The following MCTP1 variants were observed in gnomAD, a reference collection of about 807,000 sequenced individuals.
MCTP1 encodes the protein multiple C2 and transmembrane domain-containing protein 1.
A neutral mutation model predicts 120.6 loss-of-function variants in MCTP1; 69 were observed. That is an observed-to-expected ratio of 0.57 (90% confidence interval 0.47 to 0.70). MCTP1 has a LOEUF of 0.70. Ranked by LOEUF, MCTP1 falls within the 30% of genes least tolerant of loss-of-function variation. The probability of loss-of-function intolerance (pLI) is 0.00; values close to 1 mark genes in which losing one functional copy is unlikely to be tolerated. For synonymous variants in MCTP1, 529 were observed against 493.1 expected, an observed-to-expected ratio of 1.07 and a Z score of -0.96; for missense variants, 1,203 against 1,248.8, an observed-to-expected ratio of 0.96 and a Z score of 0.55.
At chr5:94,922,767 C>T (rs995367944) in intron 7 of MCTP1, among the ~76,000 whole-genome samples, 1 of 152,056 alleles carries the variant, frequency 6.6e-6, no homozygotes, top group Non-Finnish European at 1.5e-5. Context: ...GGATTACAGG[C>T]GTGAGCCACC....
At chr5:95,109,184 G>T (rs1455903319) in intron 1 of MCTP1, among the ~76,000 whole-genome samples, 3 of 152,108 alleles carry the variant, frequency 2.0e-5, no homozygotes, top group African/African-American at 4.8e-5. Context: ...ATTCAACACA[G>T]ACTTGACCAT....
At chr5:94,708,737 T>A in intron 21 of MCTP1, 128 bp from the exon 22 acceptor site, 1 of 572,036 alleles carries the variant, frequency 1.7e-6, no homozygotes, top group Non-Finnish European at 3.2e-6. Flanking sequence ...TTCCTCTTTT[T>A]CTCCTTCATT....
intron 20 of MCTP1, among the ~76,000 whole-genome samples, chr5:94,714,525 C>T (rs1459611785): frequency 2.0e-5 from 3 of 152,040 alleles, no homozygotes; most frequent in East Asian, 3.9e-4. Flanking sequence ...AAATTTAGGA[C>T]GGTGTTATTT....
intron 12 of MCTP1, among the ~76,000 whole-genome samples, chr5:94,875,616 G>A (rs561272570): frequency 1.3e-5 from 2 of 152,182 alleles, no homozygotes; most frequent in South Asian, 2.1e-4. Flanking sequence ...GTGGTGGAAC[G>A]TGGTTAGATT....
chr5:95,245,695 T>A (rs1257998841), intron 1 of MCTP1, among the ~76,000 whole-genome samples: 2 of 151,816 alleles, frequency 1.3e-5, no homozygotes, highest in East Asian at 1.9e-4. Context: ...AGACCAAATC[T>A]ACATTTGATT....
chr5:95,262,790 T>G (rs1422030788), intron 1 of MCTP1, among the ~76,000 whole-genome samples: 1 of 152,114 alleles, frequency 6.6e-6, no homozygotes, highest in South Asian at 2.1e-4. Context: ...TCAATAAATA[T>G]TAAAAAAATA....
chr5:95,058,689 G>A (rs1748098363), intron 1 of MCTP1, among the ~76,000 whole-genome samples: 1 of 152,132 alleles, frequency 6.6e-6, no homozygotes, highest in Non-Finnish European at 1.5e-5. Context: ...TGTCCATGGA[G>A]GGAAAATTGT....
intron 1 of MCTP1, among the ~76,000 whole-genome samples, chr5:95,169,309 T>C (rs1358605874): frequency 6.6e-6 from 1 of 152,362 alleles, no homozygotes. Flanking sequence ...AGTATTTTAT[T>C]GAGGATTTTT....
At chr5:95,099,702 G>A (rs1416962564) in intron 1 of MCTP1, among the ~76,000 whole-genome samples, 1 of 151,640 alleles carries the variant, frequency 6.6e-6, no homozygotes, top group African/African-American at 2.4e-5. Context: ...GACCATTGTG[G>A]AAGTCAGTGC....
chr5:95,254,769 G>A (rs537043372), intron 1 of MCTP1, among the ~76,000 whole-genome samples: 3 of 152,216 alleles, frequency 2.0e-5, no homozygotes, highest in East Asian at 1.9e-4. Context: ...GAGAACTTCC[G>A]GATGTAAAAA....
At chr5:95,254,295 A>G (rs959294200) in intron 1 of MCTP1, among the ~76,000 whole-genome samples, 4 of 152,150 alleles carry the variant, frequency 2.6e-5, no homozygotes, top group Non-Finnish European at 5.9e-5. Flanking sequence ...ACTGGTTCTA[A>G]GGGTTTTACA....
chr5:94,871,017 C>G (rs1333089864), intron 14 of MCTP1, 44 bp from the exon 15 acceptor site: 1 of 1,453,782 alleles, frequency 6.9e-7, no homozygotes, highest in Admixed American at 1.7e-5. Flanking sequence ...GCGGTCTCTA[C>G]TGAATACACT....
intron 1 of MCTP1, among the ~76,000 whole-genome samples, chr5:95,104,558 C>T (rs965497671): frequency 3.9e-5 from 6 of 152,238 alleles, no homozygotes; most frequent in Middle Eastern, 3.4e-3. Flanking sequence ...TAAGCAATGA[C>T]GATAGATGGT....
chr5:95,060,996 A>G (rs1310117133), intron 1 of MCTP1, among the ~76,000 whole-genome samples: 1 of 131,688 alleles, frequency 7.6e-6, no homozygotes, highest in Non-Finnish European at 1.6e-5. Flanking sequence ...CTGTCCTCAA[A>G]TGTACATTTT....
At chr5:95,018,601 T>C (rs187112875) in intron 1 of MCTP1, among the ~76,000 whole-genome samples, 211 of 152,132 alleles carry the variant, frequency 1.4e-3, no homozygotes, top group African/African-American at 4.9e-3. Context: ...ATTGACAACC[T>C]GAACTCACTG....
At chr5:95,095,506 G>C (rs554739075) in intron 1 of MCTP1, among the ~76,000 whole-genome samples, 1 of 152,180 alleles carries the variant, frequency 6.6e-6, no homozygotes, top group Non-Finnish European at 1.5e-5. Flanking sequence ...AGGGTCAGAA[G>C]TCAATAGGGG....
intron 1 of MCTP1, among the ~76,000 whole-genome samples, chr5:95,019,696 T>C (rs1483099467): frequency 1.3e-5 from 2 of 152,060 alleles, no homozygotes; most frequent in Non-Finnish European, 2.9e-5. Flanking sequence ...CAGTCTAGGA[T>C]GTTACTAATT....
chr5:94,835,561 C>T (rs1655074695), intron 17 of MCTP1, among the ~76,000 whole-genome samples: 1 of 152,192 alleles, frequency 6.6e-6, no homozygotes, highest in South Asian at 2.1e-4. Flanking sequence ...CTATGTACAG[C>T]AACTCAATAG....
intron 2 of MCTP1, among the ~76,000 whole-genome samples, chr5:94,963,752 C>T (rs1486092569): frequency 6.6e-6 from 1 of 152,026 alleles, no homozygotes; most frequent in Non-Finnish European, 1.5e-5. Flanking sequence ...ATTTTCTCCC[C>T]TTCCATAGAT....
Sources: gnomAD v4.1 joint callset for allele counts (sites outside exome capture counted in the v4.1 genomes callset) on GRCh38, gnomAD v4.1.1 for gene constraint, MANE v1.5 for transcripts, NCBI Gene and HGNC (gene_info 2026-07-23, HGNC 2026-07-21) for gene names.